The following ZDHHC6 variants were observed in gnomAD, a reference collection of about 807,000 sequenced individuals.
ZDHHC6 encodes the protein zDHHC palmitoyltransferase 6.
ZDHHC6 carries 32 observed loss-of-function variants against 57.8 expected under a neutral mutation model. The observed-to-expected ratio is 0.55, with a 90% CI of 0.42 to 0.74. ZDHHC6 has a LOEUF of 0.74. Ranked by LOEUF, ZDHHC6 falls within the 30% of genes least tolerant of loss-of-function variation. ZDHHC6 has a pLI of 0.00. For missense variants in ZDHHC6, 433 were observed against 500.7 expected, an observed-to-expected ratio of 0.86 and a Z score of 1.29; for synonymous variants, 128 against 158.0, an observed-to-expected ratio of 0.81 and a Z score of 1.42.
At chr10:112,437,307 A>T (rs1030727834) in intron 6 of ZDHHC6, among the ~76,000 whole-genome samples, 1 of 152,240 alleles carries the variant, frequency 6.6e-6, no homozygotes, top group African/African-American at 2.4e-5. Context: ...ACAGTAAACT[A>T]GTATTTGCCA....
downstream of ZDHHC6, chr10:112,426,271 G>A (rs909452609): frequency 6.2e-7 from 1 of 1,614,018 alleles, no homozygotes; most frequent in East Asian, 2.2e-5. Flanking sequence ...TCCTTAGTAG[G>A]AGTGGTGGTT....
chr10:112,431,164 G>C (rs1309957655), intron 10 of ZDHHC6, among the ~76,000 whole-genome samples: 1 of 152,198 alleles, frequency 6.6e-6, no homozygotes, highest in Non-Finnish European at 1.5e-5. Flanking sequence ...CTCCTAACTA[G>C]AGTCAGGGGG....
At chr10:112,433,761 A>G (rs1050029457) in intron 7 of ZDHHC6, among the ~76,000 whole-genome samples, 10 of 152,348 alleles carry the variant, frequency 6.6e-5, no homozygotes, top group Admixed American at 5.2e-4. Flanking sequence ...AAATAAAGAT[A>G]ACTCATGATC....
In ZDHHC6 at chr10:112,445,198, G is replaced by T; in HGVS notation, c.239C>A (p.Pro80Gln). Residue 80 changes from proline (P) to glutamine (Q), a missense_variant, in exon 2 of 11, where the codon CCG becomes CAG. Transcript: ENST00000369405. ...TTTCCACCCCAGAGGGACAAAGCCC[G>T]GACCGACAAACATGGCATTGAAGTA... Reference protein sequence around the residue: ...YNYFNAMFVGPGFVPLGWKPE... With the variant: ...YNYFNAMFVGQGFVPLGWKPE... 1 of 1,613,756 alleles carries T rather than the reference G, an allele frequency of 6.2e-7. No homozygotes were observed. The highest frequency in any genetic ancestry group is 8.5e-7 in the Non-Finnish European group (1 of 1,179,716).
intron 7 of ZDHHC6, 58 bp downstream of exon 7, chr10:112,434,239 G>A (rs1845304128): frequency 6.9e-7 from 1 of 1,456,404 alleles, no homozygotes; most frequent in Non-Finnish European, 9.2e-7. Context: ...AGTTGAGGGG[G>A]AGTTAAGGGA....
chr10:112,433,179 G>A, intron 8 of ZDHHC6, 61 bp downstream of exon 8: 1 of 1,374,102 alleles, frequency 7.3e-7, no homozygotes, highest in Non-Finnish European at 9.8e-7. Flanking sequence ...TAAAAAAACT[G>A]TATGGAAGTA....
rs2306159 is a variant in ZDHHC6, at chr10:112,440,597, G to A, written c.618C>T (p.Thr206=). 937,900 of 1,612,808 alleles carry A rather than the reference G, an allele frequency of 0.58. 276,110 individuals carry two copies. Among genetic ancestry groups the A allele is most frequent in the Admixed American group, 0.64 (38,079 of 59,926 alleles). The change falls in exon 5 of 11, where the codon ACC becomes ACT. Residue 206 remains threonine, a synonymous_variant. Coordinates refer to ENST00000369405, the MANE Select transcript of ZDHHC6 (RefSeq NM_022494.3). ...VPFGLAAFAT[T]LFALGLALGT... is the part of the protein sequence containing the mutation. ...CTAAAGCTAATCCCAAGGCAAACAA[G>A]GTGGTAGCAAATGCAGCTAATCCAA...
Position 112,432,627 on chromosome 10 carries a change from G to A in ZDHHC6, c.946-106C>T. On this transcript the variant is annotated intron_variant, in intron 8 of 10. Transcript: ENST00000369405. ...CAAGATCCAAAATATCCAGTGACAAGCCTTCTAGTTCCCCTTCTAGGGGAA... is the reference window on the plus strand; with the variant it reads ...CAAGATCCAAAATATCCAGTGACAAACCTTCTAGTTCCCCTTCTAGGGGAA... The A allele has an allele frequency of 2.2e-6, 3 of 1,394,204 alleles. No homozygotes were observed. The Admixed American group carries it at 7.1e-5, about 33-fold the overall frequency. 86.4% of individuals were successfully genotyped at this position (1,394,204 alleles called of 1,614,324 possible).
rs577414296 is a variant in ZDHHC6 at position 112,437,138 on chromosome 10, A to G, written c.735+1198T>C. Among the ~76,000 whole-genome samples the G allele has an allele frequency of 3.3e-5, 5 of 152,246 alleles. No homozygotes were observed. In the South Asian group the frequency reaches 1.0e-3, roughly 32 times the overall value. On this transcript the variant is annotated intron_variant, in intron 6 of 10. Coordinates refer to ENST00000369405, the MANE Select transcript of ZDHHC6 (RefSeq NM_022494.3). ...ATTAAGGCTTTCAAATGTATACTAG[A>G]ATTACAAAAAAAAAAACCTTGTATC...
downstream of ZDHHC6, chr10:112,428,427 A>C: frequency 5.0e-6 from 2 of 398,642 alleles, no homozygotes; most frequent in Non-Finnish European, 8.8e-6. Flanking sequence ...AATCAGTCTT[A>C]AACAAGGACC....
In ZDHHC6 at chr10:112,440,654, T is replaced by A. The variant is rs1239904957; in HGVS notation, c.561A>T (p.Ala187=). ...CAATTGGAAGAGGATCTCTCCGGGCTGCACTCATGTCGATCTTCACTGTGT... is the reference window on the plus strand; with the variant it reads ...CAATTGGAAGAGGATCTCTCCGGGCAGCACTCATGTCGATCTTCACTGTGT... ...GWNTVKIDMS[A]ARRDPLPIVP... Residue 187 remains alanine, a synonymous_variant, in exon 5 of 11, where the codon GCA becomes GCT. Coordinates refer to ENST00000369405, the MANE Select transcript of ZDHHC6 (RefSeq NM_022494.3). The A allele has an allele frequency of 6.2e-7, 1 of 1,613,854 alleles. No individual in the cohort carries two copies. Among genetic ancestry groups the A allele is most frequent in the South Asian group, 1.1e-5 (1 of 91,040 alleles).
downstream of ZDHHC6, chr10:112,427,135 C>G: frequency 7.0e-7 from 1 of 1,428,450 alleles, no homozygotes; most frequent in South Asian, 1.4e-5. Context: ...ATCAACCTCA[C>G]TTTCTTCACA....
At chr10:112,432,603 A>C in intron 8 of ZDHHC6, 82 bp from the exon 9 acceptor site, 1 of 1,515,658 alleles carries the variant, frequency 6.6e-7, no homozygotes, top group Non-Finnish European at 8.9e-7. Context: ...ATTTTAAAGC[A>C]AGATCCAAAA....
At chr10:112,438,543 C>T (rs922346257) in intron 5 of ZDHHC6, among the ~76,000 whole-genome samples, 154 bp from the exon 6 acceptor site, 1 of 151,926 alleles carries the variant, frequency 6.6e-6, no homozygotes, top group Admixed American at 6.6e-5. Context: ...ACCATGTCAT[C>T]CGTCTGACTC....
At chr10:112,439,669 A>T (rs10787448) in intron 5 of ZDHHC6, among the ~76,000 whole-genome samples, 48,552 of 108,372 alleles carry the variant, frequency 0.45, 11,271 homozygotes, top group Non-Finnish European at 0.53. Context: ...AAAAAAAAAA[A>T]GAATGAAAAA....
At chr10:112,437,254 T>C (rs1845631762) in intron 6 of ZDHHC6, among the ~76,000 whole-genome samples, 1 of 152,182 alleles carries the variant, frequency 6.6e-6, no homozygotes, top group African/African-American at 2.4e-5. Context: ...TTTTGGGATA[T>C]TGTATAATGA....
chr10:112,445,433 C>A lies in ZDHHC6; in HGVS notation c.4G>T (p.Gly2Cys). ...AACTTGATAACCGAACAGAATGTAC[C>A]CATTTTGGCAAGGAAGAATGCCTTC... MGTFCSVIKFEN... is the reference protein window; with the variant it reads MCTFCSVIKFEN... The change falls in exon 2 of 11, where the codon GGT becomes TGT. Residue 2 changes from glycine (G) to cysteine (C), a missense_variant. Gly to Cys is a radical substitution (Grantham distance 159). Coordinates refer to ENST00000369405, the MANE Select transcript of ZDHHC6 (RefSeq NM_022494.3). 6.2e-7 allele frequency: 1 copy of A among 1,612,150 alleles called. No homozygotes were observed. Among genetic ancestry groups the A allele is most frequent in the Non-Finnish European group, 8.5e-7 (1 of 1,178,534 alleles).
chr10:112,425,594 CTA>C, downstream of ZDHHC6: 2 of 427,192 alleles, frequency 4.7e-6, no homozygotes. Flanking sequence ...GCTTATAAAA[CTA>C]AAAAAAAAAA....
intron 6 of ZDHHC6, among the ~76,000 whole-genome samples, chr10:112,437,306 T>C (rs1845637896): frequency 6.6e-6 from 1 of 152,170 alleles, no homozygotes; most frequent in African/African-American, 2.4e-5. Flanking sequence ...CACAGTAAAC[T>C]AGTATTTGCC....
Sources: gnomAD v4.1 joint callset for allele counts (sites outside exome capture counted in the v4.1 genomes callset) on GRCh38, gnomAD v4.1.1 for gene constraint, MANE v1.5 for transcripts, NCBI Gene and HGNC (gene_info 2026-07-23, HGNC 2026-07-21) for gene names.